Variants in TANGO6 observed in about 807,000 individuals in gnomAD.
TANGO6 encodes transport and golgi organization 6 homolog.
Under a neutral mutation model 114.2 loss-of-function variants are expected in TANGO6, and 90 were observed. That is an observed-to-expected ratio of 0.79 (90% CI 0.66 to 0.94). The LOEUF (loss-of-function observed/expected upper bound fraction) is 0.94. Ranked by LOEUF, TANGO6 falls within the 40% of genes least tolerant of loss-of-function variation. The probability of loss-of-function intolerance (pLI) is 0.00; values close to 1 mark genes in which losing one functional copy is unlikely to be tolerated. For missense variants in TANGO6, 1,274 were observed against 1,315.3 expected, an observed-to-expected ratio of 0.97 and a Z score of 0.49; for synonymous variants, 477 against 509.8, an observed-to-expected ratio of 0.94 and a Z score of 0.87.
intron 11 of TANGO6, among the ~76,000 whole-genome samples, chr16:68,913,491 C>T (rs1962956985): frequency 6.7e-6 from 1 of 150,070 alleles, no homozygotes; most frequent in African/African-American, 2.5e-5. Flanking sequence ...TTACTGCAAC[C>T]TCTGCCTCCC....
At position 68,930,222 on chromosome 16, in the gene TANGO6, T is replaced by C; in HGVS notation, c.2644-16T>C. 4.5e-6 allele frequency: 7 copies of C among 1,550,784 alleles called. No homozygotes were observed. The highest frequency in any genetic ancestry group is 6.1e-6 in the Non-Finnish European group (7 of 1,145,818). Reference sequence around the variant, plus strand: ...TTCTTTGTAAATCTTATCACTGCTGTATTTTGTGGTTCCAGATATTCTTGG... The same window carrying C: ...TTCTTTGTAAATCTTATCACTGCTGCATTTTGTGGTTCCAGATATTCTTGG... On this transcript the variant is annotated splice_polypyrimidine_tract_variant and intron_variant, in intron 13 of 17. Coordinates refer to ENST00000261778, the MANE Select transcript of TANGO6 (RefSeq NM_024562.2).
At chr16:69,005,609 C>T (rs1449688954) in intron 15 of TANGO6, among the ~76,000 whole-genome samples, 1 of 152,066 alleles carries the variant, frequency 6.6e-6, no homozygotes, top group East Asian at 1.9e-4. Flanking sequence ...ACCAGCCTGG[C>T]CAACGTGGTG....
intron 15 of TANGO6, among the ~76,000 whole-genome samples, chr16:68,975,758 T>C (rs1277530188): frequency 6.6e-6 from 1 of 151,552 alleles, no homozygotes; most frequent in Non-Finnish European, 1.5e-5. Context: ...GGTCTCACTA[T>C]GTTGCCCAGG....
At chr16:68,921,469 C>T (rs867517243) in intron 12 of TANGO6, among the ~76,000 whole-genome samples, 4 of 151,970 alleles carry the variant, frequency 2.6e-5, no homozygotes, top group Admixed American at 2.6e-4. Flanking sequence ...TGAGCCACCA[C>T]GCTCGGCCGG....
intron 14 of TANGO6, among the ~76,000 whole-genome samples, chr16:68,967,211 G>GT (rs1374080418): frequency 1.3e-5 from 2 of 152,184 alleles, no homozygotes; most frequent in Non-Finnish European, 2.9e-5. Context: ...GGACGGGACG[G>GT]TGTTGGGAGG....
intron 17 of TANGO6, among the ~76,000 whole-genome samples, chr16:69,059,486 G>A (rs560460413): frequency 9.2e-5 from 14 of 152,136 alleles, no homozygotes; most frequent in East Asian, 3.9e-4. Context: ...GATTAAAGGC[G>A]TGAGCCACCG....
intron 14 of TANGO6, among the ~76,000 whole-genome samples, chr16:68,964,045 T>C (rs1963620415): frequency 6.6e-6 from 1 of 152,008 alleles, no homozygotes; most frequent in Admixed American, 6.6e-5. Context: ...GCTGACTAGC[T>C]GTTCTACTTT....
intron 16 of TANGO6, among the ~76,000 whole-genome samples, chr16:69,039,901 C>T (rs1011190297): frequency 3.3e-5 from 5 of 152,208 alleles, no homozygotes; most frequent in African/African-American, 1.2e-4. Flanking sequence ...AGCTAAATCC[C>T]CATGATCCTC....
chr16:68,855,535 T>G (rs1961974276), intron 1 of TANGO6, among the ~76,000 whole-genome samples: 2 of 151,528 alleles, frequency 1.3e-5, no homozygotes, highest in Non-Finnish European at 1.5e-5. Context: ...TGAGCCAAGA[T>G]TGCACCACTG....
intron 15 of TANGO6, among the ~76,000 whole-genome samples, chr16:69,020,959 G>A (rs962356691): frequency 6.3e-5 from 9 of 142,766 alleles, no homozygotes; most frequent in African/African-American, 1.9e-4. Flanking sequence ...GTGTGTATGC[G>A]GAATCTTCTT....
At chr16:69,033,371 T>C (rs1426704717) in intron 16 of TANGO6, among the ~76,000 whole-genome samples, 1 of 152,156 alleles carries the variant, frequency 6.6e-6, no homozygotes, top group Non-Finnish European at 1.5e-5. Context: ...GCATCTGTTA[T>C]CTGGCAAGTA....
At chr16:68,860,728 C>T (rs546140403) in intron 2 of TANGO6, among the ~76,000 whole-genome samples, 3 of 152,240 alleles carry the variant, frequency 2.0e-5, no homozygotes, top group Non-Finnish European at 4.4e-5. Flanking sequence ...CTGTAGAGTC[C>T]ATTTCACCTG....
chr16:68,878,480 T>TC (rs1962404908), intron 6 of TANGO6, among the ~76,000 whole-genome samples, 200 bp downstream of exon 6: 1 of 152,208 alleles, frequency 6.6e-6, no homozygotes, highest in African/African-American at 2.4e-5. Context: ...CTAGACCGAA[T>TC]AACTTTACAT....
intron 7 of TANGO6, among the ~76,000 whole-genome samples, chr16:68,884,059 A>G (rs974038670): frequency 2.0e-5 from 3 of 151,984 alleles, no homozygotes; most frequent in Non-Finnish European, 2.9e-5. Context: ...ACAGGCACCC[A>G]CCACCACGCC....
chr16:69,063,782 T>TTCG (rs1960168473), intron 17 of TANGO6, among the ~76,000 whole-genome samples: 1 of 20,718 alleles, frequency 4.8e-5, no homozygotes, highest in African/African-American at 2.1e-4. Context: ...AGCCATACTT[T>TTCG]TCTTCTTCTT....
Position 68,930,542 on chromosome 16 carries a change from G to A in TANGO6, c.2701+247G>A, listed in dbSNP as rs183633470. Among the ~76,000 whole-genome samples, 1,143 of 151,790 alleles carry A rather than the reference G, an allele frequency of 7.5e-3. 12 individuals are homozygous for A. In the Middle Eastern group the frequency reaches 0.086, roughly 11 times the overall value. On this transcript the variant is annotated intron_variant, in intron 14 of 17. Transcript: ENST00000261778. ...TTTATTAATGTTTACATATTCTGTA[G>A]ATTAAATCGTATTTCCTCTAATTCA...
chr16:68,881,371 G>A (rs1049027848), intron 7 of TANGO6, among the ~76,000 whole-genome samples: 7 of 152,060 alleles, frequency 4.6e-5, no homozygotes, highest in East Asian at 1.9e-4. Flanking sequence ...AAAATTAGCC[G>A]GGCCTGGTGG....
chr16:68,965,445 T>A (rs777077164), intron 14 of TANGO6, among the ~76,000 whole-genome samples: 1 of 152,256 alleles, frequency 6.6e-6, no homozygotes, highest in East Asian at 1.9e-4. Context: ...GATATTCTGC[T>A]CTTGGCAGTG....
At chr16:68,995,648 A>T (rs1963983885) in intron 15 of TANGO6, among the ~76,000 whole-genome samples, 1 of 152,128 alleles carries the variant, frequency 6.6e-6, no homozygotes, top group Admixed American at 6.6e-5. Context: ...AACCAAGACT[A>T]CTCAGTGCCA....
Sources: gnomAD v4.1 joint callset for allele counts (sites outside exome capture counted in the v4.1 genomes callset) on GRCh38, gnomAD v4.1.1 for gene constraint, MANE v1.5 for transcripts, NCBI Gene and HGNC (gene_info 2026-07-23, HGNC 2026-07-21) for gene names.